The following TSNAX variants were observed in gnomAD, a reference collection of about 807,000 sequenced individuals.
TSNAX encodes the protein translin-associated protein X.
TSNAX carries 12 observed loss-of-function variants against 33.0 expected under a neutral mutation model. That is an observed-to-expected ratio of 0.36 (90% CI 0.23 to 0.59). The LOEUF (loss-of-function observed/expected upper bound fraction) is 0.59, where lower values mean the gene tolerates loss of function less well. Ranked by LOEUF, TSNAX falls within the 20% of genes least tolerant of loss-of-function variation. TSNAX has a pLI of 0.74. For missense variants in TSNAX, 267 were observed against 341.3 expected (o/e 0.78, Z 1.72); for synonymous variants, 110 against 117.2 (o/e 0.94, Z 0.40).
Position 231,564,646 on chromosome 1 carries a change from G to A in TSNAX, c.614G>A (p.Ser205Asn). 6.2e-7 allele frequency: 1 copy of A among 1,614,180 alleles called. No individual in the cohort carries two copies. The highest frequency in any genetic ancestry group is 8.5e-7 in the Non-Finnish European group (1 of 1,180,040). Reference protein sequence around the residue: ...TGELMRMCINSVGNGDIDTPF... With the variant: ...TGELMRMCINNVGNGDIDTPF... ...GAATTGATGCGGATGTGTATTAACAGTGTGGGGAATGGGGACATTGATACC... is the reference window on the plus strand; with the variant it reads ...GAATTGATGCGGATGTGTATTAACAATGTGGGGAATGGGGACATTGATACC... Residue 205 changes from serine (S) to asparagine (N), a missense_variant, in exon 6 of 6, where the codon AGT (serine) becomes AAT (asparagine). This residue lies in a region of TSNAX where 67 missense variants were observed against 127.2 expected (regional missense o/e 0.53). Transcript: ENST00000366639.
chr1:231,548,479 A>G (rs1356467498), intron 4 of TSNAX, among the ~76,000 whole-genome samples: 1 of 152,180 alleles, frequency 6.6e-6, no homozygotes, highest in Admixed American at 6.5e-5. Flanking sequence ...GAGGTGAGGC[A>G]GTTGTAGTGG....
At chr1:231,528,971 C>A in intron 1 of TSNAX, 145 bp downstream of exon 1, 2 of 1,117,164 alleles carry the variant, frequency 1.8e-6, no homozygotes, top group East Asian at 2.5e-5. Context: ...TCTCCCCGGC[C>A]AGATCGGCCC....
intron 4 of TSNAX, among the ~76,000 whole-genome samples, chr1:231,553,886 A>C (rs1765816): frequency 6.6e-6 from 1 of 151,830 alleles, no homozygotes; most frequent in African/African-American, 2.4e-5. Context: ...AGGTTTCTCC[A>C]TGTTGGTCAG....
intron 2 of TSNAX, among the ~76,000 whole-genome samples, chr1:231,531,020 G>T (rs1658670083): frequency 6.7e-6 from 1 of 149,892 alleles, no homozygotes; most frequent in Admixed American, 6.6e-5. Flanking sequence ...AATTAGGCAC[G>T]ATCTTGGCTC....
rs183434354 is a variant in TSNAX at position 231,537,234 on chromosome 1, C to A, written c.143C>A (p.Ala48Glu). The change falls in exon 3 of 6, where the codon GCA becomes GAA. Residue 48 changes from alanine (A) to glutamate (E), a missense_variant. Coordinates refer to ENST00000366639, the MANE Select transcript of TSNAX (RefSeq NM_005999.3). Reference sequence around the variant, plus strand: ...TTAGCATTTCAGCAGGAACTTGATGCAAGGCATGACAAATATGAGAGACTT... The same window carrying A: ...TTAGCATTTCAGCAGGAACTTGATGAAAGGCATGACAAATATGAGAGACTT... ...AFKSFQQELD[A>E]RHDKYERLVK... 1 of 1,612,034 alleles carries A rather than the reference C, an allele frequency of 6.2e-7. No individual in the cohort carries two copies. Among genetic ancestry groups the A allele is most frequent in the Non-Finnish European group, 8.5e-7 (1 of 1,179,284 alleles).
intron 2 of TSNAX, among the ~76,000 whole-genome samples, chr1:231,531,423 A>G (rs1375214264): frequency 1.3e-5 from 2 of 152,220 alleles, no homozygotes; most frequent in Non-Finnish European, 2.9e-5. Flanking sequence ...TTCTGCTTTC[A>G]TAAGTTTTTT....
At chr1:231,563,583 CA>C (rs1415267358) in intron 5 of TSNAX, 1 of 154,020 alleles carries the variant, frequency 6.5e-6, no homozygotes, top group African/African-American at 2.4e-5. Context: ...GAGTTAACCT[CA>C]AACAAGAGGA....
chr1:231,528,973 G>T, intron 1 of TSNAX, 147 bp downstream of exon 1: 5 of 1,111,216 alleles, frequency 4.5e-6, no homozygotes, highest in Non-Finnish European at 6.7e-6. Context: ...TCCCCGGCCA[G>T]ATCGGCCCTG....
At chr1:231,563,652 A>ATTTT (rs11313472) in intron 5 of TSNAX, 1 of 133,782 alleles carries the variant, frequency 7.5e-6, no homozygotes, top group Non-Finnish European at 1.6e-5. Context: ...GTGGATATAA[A>ATTTT]TTTTTTTTTT....
rs185754637 is a variant in TSNAX at position 231,564,928 on chromosome 1, A to C, written c.*23A>C. 6.2e-7 allele frequency: 1 copy of C among 1,601,438 alleles called. No individual in the cohort carries two copies. The highest frequency in any genetic ancestry group is 2.2e-5 in the East Asian group (1 of 44,714). On this transcript the variant is annotated 3_prime_UTR_variant, in exon 6 of 6. Coordinates refer to ENST00000366639, the MANE Select transcript of TSNAX (RefSeq NM_005999.3). ...TAGAATCTAACGTTACTCAGTTACTAATTCTTTTGAGAACTCCTAAGAGAC... is the reference window on the plus strand; with the variant it reads ...TAGAATCTAACGTTACTCAGTTACTCATTCTTTTGAGAACTCCTAAGAGAC...
At chr1:231,535,254 G>T (rs1032224558) in intron 2 of TSNAX, 6 of 152,114 alleles carry the variant, frequency 3.9e-5, no homozygotes, top group Non-Finnish European at 5.9e-5. Context: ...TAAATGTTAG[G>T]TATATACAAC....
At position 231,566,203 on chromosome 1, in the gene TSNAX, A is replaced by G. The variant is rs1314768884; in HGVS notation, c.*1298A>G. The G allele has an allele frequency of 1.3e-5, 2 of 152,606 alleles. No individual in the cohort carries two copies. Among genetic ancestry groups the G allele is most frequent in the Non-Finnish European group, 2.9e-5 (2 of 68,034 alleles). 9.5% of individuals were successfully genotyped at this position (152,606 alleles called of 1,614,324 possible). A position where few individuals can be genotyped will look rare whatever the true frequency, so the allele number is the denominator to read the frequency against. On this transcript the variant is annotated 3_prime_UTR_variant, in exon 6 of 6. Transcript: ENST00000366639. ...GACCTTTAGTTGTCCCATGGTGTTA[A>G]TAAAGTTGCCAAAGAAGATGTATTA...
At chr1:231,561,932 G>A (rs1661144102) in intron 5 of TSNAX, among the ~76,000 whole-genome samples, 1 of 152,116 alleles carries the variant, frequency 6.6e-6, no homozygotes, top group African/African-American at 2.4e-5. Flanking sequence ...TATAGTGAGA[G>A]CTGTTAATCA....
intron 3 of TSNAX, among the ~76,000 whole-genome samples, chr1:231,541,814 T>C (rs1659593478): frequency 6.6e-6 from 1 of 152,236 alleles, no homozygotes; most frequent in Non-Finnish European, 1.5e-5. Context: ...CCTTAGGTAG[T>C]TTCCTCACAT....
At chr1:231,553,955 G>A (rs1321105438) in intron 4 of TSNAX, among the ~76,000 whole-genome samples, 4 of 152,186 alleles carry the variant, frequency 2.6e-5, no homozygotes, top group South Asian at 2.1e-4. Context: ...CAAAGTGCTG[G>A]GATTACAGGC....
intron 5 of TSNAX, among the ~76,000 whole-genome samples, chr1:231,563,198 C>T (rs1661222087): frequency 6.6e-6 from 1 of 152,174 alleles, no homozygotes; most frequent in Admixed American, 6.5e-5. Flanking sequence ...GTTCCCACTA[C>T]CTAAAATGTC....
At position 231,529,262 on chromosome 1, in the gene TSNAX, AG is replaced by A. The variant is rs1558115556; in HGVS notation, c.27del (p.Phe10SerfsTer26). ...TTTTCTTCTCTATATAAGGATCAGG[AG>A]GGTTCAGGAAAAGGAAGCATGACAA... is the stretch of plus-strand genomic sequence containing the variant. MSNKEGSG[G>X]FRKRKHDNFP... is the part of the protein sequence containing the mutation. On this transcript the variant is annotated frameshift_variant, in exon 2 of 6. Coordinates refer to ENST00000366639, the MANE Select transcript of TSNAX (RefSeq NM_005999.3). LOFTEE classifies it high-confidence loss of function. The A allele has an allele frequency of 6.2e-7, 1 of 1,614,064 alleles. No homozygotes were observed. Among genetic ancestry groups the A allele is most frequent in the South Asian group, 1.1e-5 (1 of 91,088 alleles).
intron 4 of TSNAX, chr1:231,554,532 A>G (rs1196919747): frequency 6.6e-6 from 1 of 152,186 alleles, no homozygotes; most frequent in Non-Finnish European, 1.5e-5. Flanking sequence ...TGAAACATTT[A>G]ATTGAAGTAC....
chr1:231,560,655 T>TG (rs933093263), intron 4 of TSNAX, among the ~76,000 whole-genome samples: 55 of 151,762 alleles, frequency 3.6e-4, no homozygotes, highest in African/African-American at 1.3e-3. Flanking sequence ...TGACCTCAGG[T>TG]GATCCGCCCA....
Sources: allele counts gnomAD v4.1 joint callset (sites outside exome capture counted in the v4.1 genomes callset), GRCh38; gene constraint gnomAD v4.1.1; regional missense constraint gnomAD v4.1.1; transcripts MANE v1.5; gene names NCBI Gene and HGNC (gene_info 2026-07-23, HGNC 2026-07-21).